Variants in EGLN1 observed in about 807,000 individuals in gnomAD.
The protein encoded by EGLN1 is egl nine homolog 1.
EGLN1 carries 17 observed loss-of-function variants against 38.3 expected under a neutral mutation model. The ratio of observed to expected loss-of-function variants is 0.44; its 90% CI spans 0.30 to 0.67. The LOEUF (loss-of-function observed/expected upper bound fraction) is 0.67, where lower values mean the gene tolerates loss of function less well. Ranked by LOEUF, EGLN1 falls within the 30% of genes least tolerant of loss-of-function variation. The pLI is 0.08. For synonymous variants in EGLN1, 283 were observed against 257.5 expected, an observed-to-expected ratio of 1.10 and a Z score of -0.95; for missense variants, 477 against 603.3, an observed-to-expected ratio of 0.79 and a Z score of 2.19.
intron 1 of EGLN1, among the ~76,000 whole-genome samples, chr1:231,375,292 G>C (rs1254765919): frequency 6.6e-6 from 1 of 152,100 alleles, no homozygotes; most frequent in Non-Finnish European, 1.5e-5. Context: ...CTGACCTCAA[G>C]TGATCCTCCT....
intron 3 of EGLN1, among the ~76,000 whole-genome samples, 197 bp downstream of exon 3, chr1:231,370,361 TACTA>T (rs1558378018): frequency 2.0e-5 from 3 of 152,366 alleles, no homozygotes; most frequent in South Asian, 2.1e-4. Context: ...ACACATTTAG[TACTA>T]ACTGTTAATG....
At chr1:231,366,497 A>AG in intron 4 of EGLN1, 22 bp from the exon 5 acceptor site, 1 of 1,478,556 alleles carries the variant, frequency 6.8e-7, no homozygotes, top group Non-Finnish European at 9.3e-7. Context: ...AAAAAAAAAA[A>AG]ATTTTCATTC....
At chr1:231,404,384 T>G (rs561193263) in intron 1 of EGLN1, among the ~76,000 whole-genome samples, 1 of 152,288 alleles carries the variant, frequency 6.6e-6, no homozygotes, top group South Asian at 2.1e-4. Flanking sequence ...TTGTTTTTAC[T>G]GCTACCTATT....
intron 1 of EGLN1, among the ~76,000 whole-genome samples, chr1:231,414,145 C>T (rs181629355): frequency 2.4e-4 from 36 of 152,064 alleles, no homozygotes; most frequent in Non-Finnish European, 3.7e-4. Context: ...TATCTGAATG[C>T]CATCATGTAG....
chr1:231,410,481 G>A (rs549497389), intron 1 of EGLN1, among the ~76,000 whole-genome samples: 1 of 152,306 alleles, frequency 6.6e-6, no homozygotes, highest in Admixed American at 6.5e-5. Flanking sequence ...GGCAGAAGAT[G>A]TAGCTAGACT....
At chr1:231,381,623 GATATGTCA>G (rs1688081736) in intron 1 of EGLN1, among the ~76,000 whole-genome samples, 1 of 152,126 alleles carries the variant, frequency 6.6e-6, no homozygotes, top group Admixed American at 6.5e-5. Context: ...ATAATCTAGA[GATATGTCA>G]TGATGCCTTA....
chr1:231,419,022 T>C (rs1656456553), intron 1 of EGLN1, among the ~76,000 whole-genome samples: 1 of 152,212 alleles, frequency 6.6e-6, no homozygotes, highest in South Asian at 2.1e-4. Flanking sequence ...AAATTACATG[T>C]TCAAACACGA....
At chr1:231,415,435 T>C (rs1267528740) in intron 1 of EGLN1, among the ~76,000 whole-genome samples, 3 of 150,562 alleles carry the variant, frequency 2.0e-5, no homozygotes, top group African/African-American at 7.4e-5. Flanking sequence ...CTTAAAAAAA[T>C]GTTATTTCTT....
chr1:231,383,925 T>C (rs185799007), intron 1 of EGLN1, among the ~76,000 whole-genome samples: 15 of 152,276 alleles, frequency 9.9e-5, no homozygotes, highest in Non-Finnish European at 1.8e-4. Context: ...AAGCACTTCA[T>C]TGTAATTGGC....
At chr1:231,402,584 G>A (rs1028518857) in intron 1 of EGLN1, among the ~76,000 whole-genome samples, 15 of 151,820 alleles carry the variant, frequency 9.9e-5, no homozygotes, top group African/African-American at 1.7e-4. Context: ...ACAGGTGCAC[G>A]CCACCACATC....
At chr1:231,402,561 A>C (rs1217037033) in intron 1 of EGLN1, among the ~76,000 whole-genome samples, 2 of 151,482 alleles carry the variant, frequency 1.3e-5, no homozygotes, top group African/African-American at 2.4e-5. Context: ...CACCCTCCCG[A>C]GTAGCTGGGA....
chr1:231,384,368 C>A (rs1688143019), intron 1 of EGLN1, among the ~76,000 whole-genome samples: 1 of 147,354 alleles, frequency 6.8e-6, no homozygotes, highest in African/African-American at 2.5e-5. Flanking sequence ...CAATATATAG[C>A]ATAATATAAG....
intron 1 of EGLN1, among the ~76,000 whole-genome samples, chr1:231,408,609 A>T (rs1688852026): frequency 6.6e-6 from 1 of 152,192 alleles, no homozygotes; most frequent in African/African-American, 2.4e-5. Context: ...AGAGCGGTGC[A>T]GTGGGAATTC....
Position 231,373,966 on chromosome 1 carries a change from AT to A in EGLN1, c.1011+13del. The stretch of plus-strand genomic sequence containing the variant: ...CCTGTAAGAAAAAAATAAATGCTCA[AT>A]TAAGTTGCATACCTTGGCATCCCAG... On this transcript the variant is annotated intron_variant, in intron 2 of 4. Coordinates refer to ENST00000366641, the MANE Select transcript of EGLN1 (RefSeq NM_022051.3). 1 of 1,613,564 alleles carries A rather than the reference AT, an allele frequency of 6.2e-7. No homozygotes were observed. Among genetic ancestry groups the A allele is most frequent in the Admixed American group, 1.7e-5 (1 of 60,014 alleles).
At chr1:231,402,416 G>A (rs1175678464) in intron 1 of EGLN1, among the ~76,000 whole-genome samples, 2 of 149,778 alleles carry the variant, frequency 1.3e-5, no homozygotes, top group Non-Finnish European at 3.0e-5. Flanking sequence ...TTCTTTTAAA[G>A]TTTTATGGAT....
intron 2 of EGLN1, among the ~76,000 whole-genome samples, 164 bp downstream of exon 2, chr1:231,373,816 G>A (rs1687890765): frequency 6.6e-6 from 1 of 151,932 alleles, no homozygotes; most frequent in Non-Finnish European, 1.5e-5. Flanking sequence ...AGTAGTATTT[G>A]TTTCATTTTA....
Position 231,421,451 on chromosome 1 carries a change from C to T in EGLN1, c.438G>A (p.Lys146=). 1.3e-6 allele frequency: 2 copies of T among 1,492,426 alleles called. No homozygotes were observed. The highest frequency in any genetic ancestry group is 1.8e-6 in the Non-Finnish European group (2 of 1,120,780). The allele number at this position is 1,492,426 out of a possible 1,614,324, so 92.4% of individuals were successfully genotyped here. A position where few individuals can be genotyped will look rare whatever the true frequency, so the allele number is the denominator to read the frequency against. ...GCGATGAGCGGGCCGGCGGCTCCTC[C>T]TTGCCGGGCTCGGCTTCGGCAGCCA... is the stretch of plus-strand genomic sequence containing the variant. The part of the protein sequence containing the change: ...SAVAAEAEPG[K]EEPPARSSLF... Residue 146 remains lysine (K), a synonymous_variant, in exon 1 of 5, where the codon AAG becomes AAA. Transcript: ENST00000366641. The surrounding 1 kb of genome is among the most constrained non-coding windows in gnomAD (Gnocchi z 5.5).
intron 1 of EGLN1, among the ~76,000 whole-genome samples, chr1:231,416,586 G>T (rs1220845449): frequency 6.6e-6 from 1 of 151,600 alleles, no homozygotes; most frequent in African/African-American, 2.4e-5. Flanking sequence ...AGCCAGTCTT[G>T]AACTCCTGGG....
intron 1 of EGLN1, among the ~76,000 whole-genome samples, chr1:231,387,297 C>A (rs1481803505): frequency 6.6e-6 from 1 of 151,650 alleles, no homozygotes; most frequent in African/African-American, 2.4e-5. Context: ...ATTATGCCTA[C>A]AGATGGTTTT....
Sources: allele counts gnomAD v4.1 joint callset (sites outside exome capture counted in the v4.1 genomes callset), GRCh38; gene constraint gnomAD v4.1.1; non-coding constraint Gnocchi (gnomAD v3.1); transcripts MANE v1.5; gene names NCBI Gene and HGNC (gene_info 2026-07-23, HGNC 2026-07-21).